CAMTA1: variants seen among roughly 807,000 people sequenced by gnomAD.
CAMTA1 encodes the protein calmodulin binding transcription activator 1.
CAMTA1 carries 27 observed loss-of-function variants against 170.9 expected under a neutral mutation model. That is an observed-to-expected ratio of 0.16 (90% CI 0.12 to 0.22). The LOEUF is 0.22. Among genes scored for constraint, CAMTA1 ranks in the 10% least tolerant of loss-of-function variants. The probability of loss-of-function intolerance (pLI) is 1.00; values close to 1 mark genes in which losing one functional copy is unlikely to be tolerated. For synonymous variants in CAMTA1, 833 were observed against 891.5 expected, an observed-to-expected ratio of 0.93 and a Z score of 1.17; for missense variants, 1,619 against 2,217.2, an observed-to-expected ratio of 0.73 and a Z score of 5.42.
rs2093417600 is a variant in CAMTA1 at position 7,476,194 on chromosome 1, G to A, written c.510+8293G>A. Among the ~76,000 whole-genome samples, 4 of 152,228 alleles carry A rather than the reference G, an allele frequency of 2.6e-5. 1 individual carries two copies. The South Asian group carries it at 6.2e-4, about 24-fold the overall frequency. ...TCGGCAGGGGACACTGAGCCAGCCCGCTGTACTCCAAGGGGTAGCTGGAAC... is the reference window on the plus strand; with the variant it reads ...TCGGCAGGGGACACTGAGCCAGCCCACTGTACTCCAAGGGGTAGCTGGAAC... On this transcript the variant is annotated intron_variant, in intron 6 of 22. Coordinates refer to ENST00000303635, the MANE Select transcript of CAMTA1 (RefSeq NM_015215.4).
chr1:7,292,136 G>A (rs960470995), intron 5 of CAMTA1, among the ~76,000 whole-genome samples: 4 of 152,094 alleles, frequency 2.6e-5, no homozygotes, highest in African/African-American at 9.7e-5. Flanking sequence ...AGGACTGGTG[G>A]CCAGAAATGA....
At chr1:7,614,933 C>T (rs972001777) in intron 6 of CAMTA1, among the ~76,000 whole-genome samples, 4 of 152,220 alleles carry the variant, frequency 2.6e-5, no homozygotes, top group African/African-American at 9.6e-5. Context: ...TGTTCAGAAC[C>T]AGGGCTTTGA....
intron 6 of CAMTA1, among the ~76,000 whole-genome samples, chr1:7,625,521 A>C (rs2095627529): frequency 6.6e-6 from 1 of 152,080 alleles, no homozygotes; most frequent in African/African-American, 2.4e-5. Flanking sequence ...TCTGAAGAGG[A>C]GTGAGTGGGG....
chr1:6,874,196 C>A (rs1669175308), intron 3 of CAMTA1: 1 of 152,238 alleles, frequency 6.6e-6, no homozygotes, highest in African/African-American at 2.4e-5. Context: ...TGAACCTCAT[C>A]CTATGGCTGT....
chr1:7,665,281 A>C lies in CAMTA1; in HGVS notation c.2652+82A>C. 1.7e-6 allele frequency: 2 copies of C among 1,196,460 alleles called. No individual in the cohort carries two copies. The highest frequency in any genetic ancestry group is 2.2e-6 in the Non-Finnish European group (2 of 905,882). The allele number at this position is 1,196,460 out of a possible 1,614,324, so 74.1% of individuals were successfully genotyped here. On this transcript the variant is annotated intron_variant, in intron 9 of 22. Coordinates refer to ENST00000303635, the MANE Select transcript of CAMTA1 (RefSeq NM_015215.4). This position sits in a 1 kb window ranked among gnomAD's most constrained non-coding sequence, Gnocchi z 4.3. ...CCCTGCGCCACCCTGCAGCTAAGGG[A>C]TGCCTGTGGCTGCCCTTCAGAGGAA...
chr1:7,733,511 C>T (rs1240802152), intron 12 of CAMTA1, among the ~76,000 whole-genome samples: 1 of 152,104 alleles, frequency 6.6e-6, no homozygotes, highest in Non-Finnish European at 1.5e-5. Flanking sequence ...AATTACCAAA[C>T]ATTGTTTCAG....
In CAMTA1 at chr1:7,065,747, C is replaced by A. The variant is rs1708877556; in HGVS notation, c.235-25557C>A. Among the ~76,000 whole-genome samples, 1 of 152,122 alleles carries A rather than the reference C, an allele frequency of 6.6e-6. No homozygotes were observed. The highest frequency in any genetic ancestry group is 2.1e-4 in the South Asian group (1 of 4,828). On this transcript the variant is annotated intron_variant, in intron 3 of 22. Transcript: ENST00000303635. The surrounding 1 kb of genome is among the most constrained non-coding windows in gnomAD (Gnocchi z 5.2). The stretch of plus-strand genomic sequence containing the variant: ...AGCCCTAGGTCAAAATATCTGACTG[C>A]AGAAAAGACCAGTCAGGGAAATAAT...
At chr1:6,899,153 G>A (rs1676312920) in intron 3 of CAMTA1, among the ~76,000 whole-genome samples, 1 of 152,170 alleles carries the variant, frequency 6.6e-6, no homozygotes, top group African/African-American at 2.4e-5. Flanking sequence ...GATGCACTGT[G>A]GATGATAAAT....
At chr1:7,089,539 C>CCATCG (rs1464367112) in intron 3 of CAMTA1, among the ~76,000 whole-genome samples, 1 of 85,962 alleles carries the variant, frequency 1.2e-5, no homozygotes, top group Non-Finnish European at 2.4e-5. Context: ...TAGCCCCATC[C>CCATCG]CATCCCATCC....
intron 5 of CAMTA1, among the ~76,000 whole-genome samples, chr1:7,430,101 C>A (rs995351115): frequency 4.6e-5 from 7 of 152,106 alleles, no homozygotes; most frequent in African/African-American, 1.4e-4. Flanking sequence ...GCTGCTACTG[C>A]TGCTGCTGAT....
chr1:7,390,561 T>C lies in CAMTA1; in HGVS notation c.439-77269T>C, dbSNP rs566840029. On this transcript the variant is annotated intron_variant, in intron 5 of 22. Coordinates refer to ENST00000303635, the MANE Select transcript of CAMTA1 (RefSeq NM_015215.4). The stretch of plus-strand genomic sequence containing the variant: ...CTCTCTGGGCCTCAGTTTCCTCCTG[T>C]CTACAACAGGGTCGCTAGTAGTGCC... Among the ~76,000 whole-genome samples the C allele has an allele frequency of 3.3e-5, 5 of 152,348 alleles. No homozygotes were observed. The South Asian group carries it at 1.0e-3, about 32-fold the overall frequency.
chr1:7,758,455 CTG>C (rs1197117509), intron 22 of CAMTA1, among the ~76,000 whole-genome samples: 2 of 152,182 alleles, frequency 1.3e-5, no homozygotes, highest in African/African-American at 4.8e-5. Context: ...TTAGCTAACT[CTG>C]TGAACCAAGG....
At chr1:6,929,243 G>C (rs1828309) in intron 3 of CAMTA1, among the ~76,000 whole-genome samples, 101,000 of 152,078 alleles carry the variant, frequency 0.66, 33,986 homozygotes, top group Admixed American at 0.76. Context: ...GCAATGGTGC[G>C]ATCTCGGCTC....
At position 7,628,258 on chromosome 1, in the gene CAMTA1, C is replaced by A. The variant is rs75398097; in HGVS notation, c.511-12142C>A. Among the ~76,000 whole-genome samples the A allele has an allele frequency of 3.4e-3, 522 of 152,290 alleles. 3 individuals are homozygous for A. Among genetic ancestry groups the A allele is most frequent in the African/African-American group, 0.012 (493 of 41,556 alleles). On this transcript the variant is annotated intron_variant, in intron 6 of 22. Transcript: ENST00000303635. ...GGTTCGAGTTCAGCAGGAAAGAGCA[C>A]CCCTGCCTCCAAGTGACTCCAACCA...
At chr1:6,930,235 G>A (rs748944069) in intron 3 of CAMTA1, among the ~76,000 whole-genome samples, 2 of 152,108 alleles carry the variant, frequency 1.3e-5, no homozygotes, top group Admixed American at 6.5e-5. Flanking sequence ...CTGTCGACTC[G>A]CCTGCCTGCT....
At chr1:7,308,136 A>G (rs1004686001) in intron 5 of CAMTA1, among the ~76,000 whole-genome samples, 1 of 151,762 alleles carries the variant, frequency 6.6e-6, no homozygotes, top group Non-Finnish European at 1.5e-5. Flanking sequence ...AAGTTGTAGA[A>G]TTTATCTATG....
chr1:7,699,969 T>C (rs1366208589), intron 11 of CAMTA1, among the ~76,000 whole-genome samples: 1 of 152,220 alleles, frequency 6.6e-6, no homozygotes, highest in Non-Finnish European at 1.5e-5. Context: ...TTCTCCCTTT[T>C]AGTGAAATGT....
intron 3 of CAMTA1, among the ~76,000 whole-genome samples, chr1:6,992,667 G>A (rs774275431): frequency 4.6e-5 from 7 of 152,306 alleles, no homozygotes; most frequent in South Asian, 2.1e-4. Context: ...AAGCAGGCAC[G>A]TCTTACATGG....
chr1:7,677,754 G>C (rs762901786), intron 11 of CAMTA1, 21 bp downstream of exon 11: 43 of 1,606,770 alleles, frequency 2.7e-5, no homozygotes, highest in Non-Finnish European at 4.2e-6. Context: ...TGCTTGGGTC[G>C]TCTTGCCAGG....
Sources: allele counts gnomAD v4.1 joint callset (sites outside exome capture counted in the v4.1 genomes callset), GRCh38; gene constraint gnomAD v4.1.1; non-coding constraint Gnocchi (gnomAD v3.1); transcripts MANE v1.5; gene names NCBI Gene and HGNC (gene_info 2026-07-23, HGNC 2026-07-21).